The following AKAP19 variants were observed in gnomAD, a reference collection of about 807,000 sequenced individuals.
The protein encoded by AKAP19 is small A-kinase anchoring protein.
chr2:190,036,737 TC>T, the AKAP19 span, among the ~76,000 whole-genome samples: 5 of 152,224 alleles, frequency 3.3e-5, no homozygotes. Context: ...CATTTCACTT[TC>T]AGCTGGCATT....
the AKAP19 span, among the ~76,000 whole-genome samples, chr2:190,091,200 C>T: frequency 1.3e-5 from 2 of 152,136 alleles, no homozygotes; most frequent in African/African-American, 2.4e-5. Context: ...TAAAAAGAAA[C>T]TTTCTAATGC....
the AKAP19 span, chr2:189,917,197 A>G: frequency 1.8e-5 from 14 of 780,408 alleles, no homozygotes; most frequent in Non-Finnish European, 2.8e-5. Context: ...CAAGTTTCAA[A>G]CAAAATGCAG....
the AKAP19 span, among the ~76,000 whole-genome samples, chr2:189,991,758 T>C: frequency 6.6e-6 from 1 of 152,214 alleles, no homozygotes; most frequent in Non-Finnish European, 1.5e-5. Context: ...TTCTTGGTCA[T>C]GAATTCTTTG....
chr2:190,091,941 T>C, the AKAP19 span, among the ~76,000 whole-genome samples: 118 of 152,304 alleles, frequency 7.7e-4, no homozygotes, highest in Middle Eastern at 3.4e-3. Flanking sequence ...TTTGTTTATC[T>C]ACTCAGTAAA....
At chr2:190,188,909 T>C in the AKAP19 span, among the ~76,000 whole-genome samples, 3 of 152,330 alleles carry the variant, frequency 2.0e-5, no homozygotes, top group South Asian at 6.2e-4. Context: ...AGTTTACTAA[T>C]CCATTCAATT....
At chr2:190,194,844 C>T in the AKAP19 span, among the ~76,000 whole-genome samples, 5 of 152,044 alleles carry the variant, frequency 3.3e-5, no homozygotes, top group African/African-American at 1.2e-4. Flanking sequence ...TCCTCCTTTT[C>T]TTCCCATGGC....
chr2:189,930,784 AC>A, the AKAP19 span: 3 of 801,550 alleles, frequency 3.7e-6, no homozygotes, highest in South Asian at 4.2e-5. Context: ...AGGGTCATAA[AC>A]TCCTTTAGGC....
the AKAP19 span, among the ~76,000 whole-genome samples, chr2:190,109,892 A>G: frequency 2.6e-5 from 4 of 152,194 alleles, no homozygotes; most frequent in East Asian, 7.7e-4. Context: ...AGGTGCCACA[A>G]TTGAAGGTAT....
At chr2:190,092,428 G>C in the AKAP19 span, among the ~76,000 whole-genome samples, 2 of 151,426 alleles carry the variant, frequency 1.3e-5, no homozygotes. Context: ...CGGGGGTAAG[G>C]GCACAGGGAT....
chr2:190,003,160 GA>G, the AKAP19 span, among the ~76,000 whole-genome samples: 6 of 151,988 alleles, frequency 3.9e-5, no homozygotes, highest in Non-Finnish European at 7.4e-5. Flanking sequence ...CTTGAATCTG[GA>G]ATTCATACTG....
the AKAP19 span, among the ~76,000 whole-genome samples, chr2:190,071,183 C>T: frequency 1.3e-5 from 2 of 152,114 alleles, no homozygotes. Flanking sequence ...CATGGTGGCT[C>T]ACACCTGTAA....
chr2:189,926,133 A>C, the AKAP19 span, among the ~76,000 whole-genome samples: 1 of 152,222 alleles, frequency 6.6e-6, no homozygotes, highest in Admixed American at 6.5e-5. Context: ...ACATATAAGC[A>C]AGAGATATAG....
chr2:190,200,868 AGGGGTACCT>A, the AKAP19 span: 1 of 167,070 alleles, frequency 6.0e-6, no homozygotes, highest in African/African-American at 2.4e-5. Context: ...GAAAACAAGT[AGGGGTACCT>A]TTTACAAAGA....
At chr2:189,923,542 A>G in the AKAP19 span, 4 of 1,613,868 alleles carry the variant, frequency 2.5e-6, no homozygotes, top group Admixed American at 1.7e-5. Flanking sequence ...CTGTAGCAGG[A>G]GAGGATGGCA....
chr2:190,189,441 G>C, the AKAP19 span, among the ~76,000 whole-genome samples: 1 of 152,192 alleles, frequency 6.6e-6, no homozygotes, highest in Non-Finnish European at 1.5e-5. Context: ...TAGATGGGAA[G>C]AGATGATAAA....
the AKAP19 span, among the ~76,000 whole-genome samples, chr2:190,110,893 A>G: frequency 1.1e-3 from 166 of 152,312 alleles, 1 homozygote; most frequent in African/African-American, 3.8e-3. Flanking sequence ...GAGACGAATA[A>G]TGTAGGGCGC....
At chr2:190,108,277 T>C in the AKAP19 span, among the ~76,000 whole-genome samples, 1 of 152,280 alleles carries the variant, frequency 6.6e-6, no homozygotes, top group Non-Finnish European at 1.5e-5. Flanking sequence ...TGCCTCAGCC[T>C]CTTGAGTAGC....
At chr2:189,919,646 G>T in the AKAP19 span, among the ~76,000 whole-genome samples, 1 of 152,096 alleles carries the variant, frequency 6.6e-6, no homozygotes, top group African/African-American at 2.4e-5. Flanking sequence ...GGGGTGTTTG[G>T]TTTTCTGTTC....
the AKAP19 span, chr2:190,060,395 G>A: frequency 1.2e-6 from 2 of 1,610,552 alleles, no homozygotes; most frequent in Admixed American, 3.4e-5. Context: ...ATTTAAAGAA[G>A]CAACATTTGG....
Sources: allele counts gnomAD v4.1 joint callset (sites outside exome capture counted in the v4.1 genomes callset), GRCh38; gene constraint gnomAD v4.1.1; transcripts MANE v1.5; gene names NCBI Gene and HGNC (gene_info 2026-07-23, HGNC 2026-07-21).